MAST2: variants seen among roughly 807,000 people sequenced by gnomAD.
The protein encoded by MAST2 is microtubule-associated serine/threonine-protein kinase 2.
In MAST2, 70 loss-of-function variants were observed where a neutral mutation model predicts 147.4. The ratio of observed to expected loss-of-function variants is 0.47; its 90% confidence interval spans 0.39 to 0.58. MAST2 has a LOEUF of 0.58. Among genes scored for constraint, MAST2 ranks in the 20% least tolerant of loss-of-function variants. The probability of loss-of-function intolerance (pLI) is 0.00; values close to 1 mark genes in which losing one functional copy is unlikely to be tolerated. For synonymous variants in MAST2, 869 were observed against 896.8 expected, an observed-to-expected ratio of 0.97 and a Z score of 0.55; for missense variants, 2,080 against 2,302.3, an observed-to-expected ratio of 0.90 and a Z score of 1.98.
intron 10 of MAST2, among the ~76,000 whole-genome samples, chr1:46,013,966 C>G (rs916497654): frequency 1.3e-5 from 2 of 151,950 alleles, no homozygotes; most frequent in Non-Finnish European, 2.9e-5. Flanking sequence ...AAGAAAAGTC[C>G]TCATTTACTG....
chr1:46,034,923 T>C lies in MAST2; in HGVS notation c.4254T>C (p.Ser1418=), dbSNP rs1557526246. 6.2e-7 allele frequency: 1 copy of C among 1,614,162 alleles called. No homozygotes were observed. Among genetic ancestry groups the C allele is most frequent in the Admixed American group, 1.7e-5 (1 of 60,032 alleles). The change falls in exon 29 of 29, where the codon TCT becomes TCC. Residue 1418 remains serine (S), a synonymous_variant. Transcript: ENST00000361297. The part of the protein sequence containing the change: ...AEKLAAALAA[S]EKKLATSRKH... ...AACTGGCAGCAGCACTTGCCGCCTCTGAGAAGAAGCTAGCCACTTCTCGCA... is the reference window on the plus strand; with the variant it reads ...AACTGGCAGCAGCACTTGCCGCCTCCGAGAAGAAGCTAGCCACTTCTCGCA...
intron 5 of MAST2, among the ~76,000 whole-genome samples, chr1:45,968,748 T>TG (rs1379484217): frequency 6.6e-6 from 1 of 152,100 alleles, no homozygotes; most frequent in Non-Finnish European, 1.5e-5. Context: ...GACTTTAATT[T>TG]GGGGAAATTT....
intron 3 of MAST2, among the ~76,000 whole-genome samples, chr1:45,842,445 A>G (rs1645307161): frequency 6.6e-6 from 1 of 152,118 alleles, no homozygotes; most frequent in African/African-American, 2.4e-5. Context: ...TTTAGATTTA[A>G]ACCTCTTATC....
rs545725674 is a variant in MAST2, at chr1:45,811,188, C to T, written c.177+7116C>T. ...TTTCTTTTTTTTTTTTTTTTTGAGA[C>T]GAAGTCTCGCTCTTGTCTCCCAGGC... On this transcript the variant is annotated intron_variant, in intron 1 of 28. Transcript: ENST00000361297. Among the ~76,000 whole-genome samples the T allele has an allele frequency of 8.8e-5, 12 of 135,968 alleles. No homozygotes were observed. In the East Asian group the frequency reaches 1.6e-3, roughly 18 times the overall value. The allele number at this position is 135,968 out of a possible 152,430, so 89.2% of individuals were successfully genotyped here.
chr1:45,968,984 T>C (rs1229742690), intron 5 of MAST2, among the ~76,000 whole-genome samples: 2 of 152,082 alleles, frequency 1.3e-5, no homozygotes, highest in Non-Finnish European at 2.9e-5. Context: ...AGTCTATTAA[T>C]GAGCCCATCA....
chr1:46,036,113 C>T lies in MAST2; in HGVS notation c.*47C>T, dbSNP rs1391651352. 2.6e-6 allele frequency: 4 copies of T among 1,511,250 alleles called. No homozygotes were observed. In the African/African-American group the frequency reaches 4.2e-5, roughly 16 times the overall value. The allele number at this position is 1,511,250 out of a possible 1,614,324, so 93.6% of individuals were successfully genotyped here. On this transcript the variant is annotated 3_prime_UTR_variant, in exon 29 of 29. Coordinates refer to ENST00000361297, the MANE Select transcript of MAST2 (RefSeq NM_015112.3). ...ACTCAGACCTGTGTAATATATGCTC[C>T]TGGAAACCATCTTTATGTCTTTTGC...
In MAST2 at chr1:46,023,676, C is replaced by A; in HGVS notation, c.1572-96C>A. On this transcript the variant is annotated intron_variant, in intron 14 of 28. Transcript: ENST00000361297. This position sits in a 1 kb window ranked among gnomAD's most constrained non-coding sequence, Gnocchi z 4.9. ...CATGCCCTTGCCCCCTTGTTCTGTG[C>A]ATTAATTAAGGTGTGAGAGAAGGCA... 4 of 1,108,998 alleles carry A rather than the reference C, an allele frequency of 3.6e-6. No individual in the cohort carries two copies. The highest frequency in any genetic ancestry group is 2.5e-5 in the East Asian group (1 of 39,242). 68.7% of individuals were successfully genotyped at this position (1,108,998 alleles called of 1,614,324 possible). A position where few individuals can be genotyped will look rare whatever the true frequency, so the allele number is the denominator to read the frequency against.
chr1:45,989,137 A>G (rs539484259), intron 5 of MAST2, among the ~76,000 whole-genome samples: 9 of 152,278 alleles, frequency 5.9e-5, no homozygotes, highest in Admixed American at 2.0e-4. Context: ...AATTGTCTGT[A>G]TTTATATTAA....
At chr1:45,886,043 C>T (rs569864924) in intron 4 of MAST2, among the ~76,000 whole-genome samples, 18 of 151,792 alleles carry the variant, frequency 1.2e-4, no homozygotes, top group Non-Finnish European at 1.8e-4. Flanking sequence ...GCAGGAGGAT[C>T]GCTTGAGTTC....
At chr1:45,919,694 T>A (rs1310368959) in intron 4 of MAST2, among the ~76,000 whole-genome samples, 1 of 152,196 alleles carries the variant, frequency 6.6e-6, no homozygotes, top group East Asian at 1.9e-4. Flanking sequence ...ATGTACCCAG[T>A]CCTGGCACAT....
At chr1:45,813,006 C>T (rs1644349077) in intron 1 of MAST2, among the ~76,000 whole-genome samples, 2 of 151,988 alleles carry the variant, frequency 1.3e-5, no homozygotes, top group Admixed American at 1.3e-4. Context: ...AGTACATGAC[C>T]CCCTGCAGAT....
At chr1:45,927,404 C>T (rs901295281) in intron 4 of MAST2, among the ~76,000 whole-genome samples, 1 of 152,114 alleles carries the variant, frequency 6.6e-6, no homozygotes, top group African/African-American at 2.4e-5. Flanking sequence ...ACCCCTGCAG[C>T]CTCAACCATA....
intron 1 of MAST2, among the ~76,000 whole-genome samples, chr1:45,811,150 C>G (rs572279653): frequency 6.7e-6 from 1 of 148,326 alleles, no homozygotes; most frequent in Non-Finnish European, 1.5e-5. Context: ...CGTGCCTAGC[C>G]GAGAGCAGTA....
At chr1:45,920,850 T>C (rs1420885656) in intron 4 of MAST2, among the ~76,000 whole-genome samples, 2 of 152,094 alleles carry the variant, frequency 1.3e-5, no homozygotes, top group African/African-American at 4.8e-5. Flanking sequence ...ACATGTTCAT[T>C]TTTTTTTCGA....
chr1:45,857,469 A>G (rs1645826362), intron 3 of MAST2, among the ~76,000 whole-genome samples: 1 of 152,238 alleles, frequency 6.6e-6, no homozygotes, highest in Admixed American at 6.5e-5. Flanking sequence ...CAAATGAAAA[A>G]GAATCCTTTG....
chr1:45,822,034 A>C (rs1214305163), intron 1 of MAST2, among the ~76,000 whole-genome samples: 2 of 151,338 alleles, frequency 1.3e-5, no homozygotes, highest in African/African-American at 4.9e-5. Flanking sequence ...GATTACAGGC[A>C]CGTGCCATCA....
chr1:45,831,584 G>A (rs947082743), intron 3 of MAST2, among the ~76,000 whole-genome samples: 18 of 152,154 alleles, frequency 1.2e-4, no homozygotes, highest in African/African-American at 3.6e-4. Context: ...ACCCATGTAA[G>A]TTTTACCTAG....
rs377110475 is a variant in MAST2, at chr1:46,034,661, G to A, written c.3992G>A (p.Arg1331His). 17 of 1,613,958 alleles carry A rather than the reference G, an allele frequency of 1.1e-5. No homozygotes were observed. The highest frequency in any genetic ancestry group is 1.1e-5 in the Non-Finnish European group (13 of 1,180,014). ...GLAPKLQRQY[R>H]SPRRKSAGSI... ...GCACCCAAGCTCCAACGCCAGTACC[G>A]CTCTCCACGGCGCAAGTCAGCAGGC... The change falls in exon 29 of 29, where the codon CGC becomes CAC. Residue 1331 changes from arginine (R) to histidine (H), a missense_variant. Around this residue, in one of 4 missense-constraint regions of MAST2, gnomAD observed 1,278 missense variants for 1,304.2 expected, o/e 0.98. Transcript: ENST00000361297.
At chr1:45,896,238 C>T (rs1648718858) in intron 4 of MAST2, among the ~76,000 whole-genome samples, 1 of 152,094 alleles carries the variant, frequency 6.6e-6, no homozygotes, top group Admixed American at 6.6e-5. Context: ...ACCATATTGG[C>T]CAGGCTAGTC....
Sources: gnomAD v4.1 joint callset for allele counts (sites outside exome capture counted in the v4.1 genomes callset) on GRCh38, gnomAD v4.1.1 for gene constraint, gnomAD v4.1.1 regional missense constraint, Gnocchi (gnomAD v3.1) non-coding constraint, MANE v1.5 for transcripts, NCBI Gene and HGNC (gene_info 2026-07-23, HGNC 2026-07-21) for gene names.